Variants in WNK2 observed in about 807,000 individuals in gnomAD.
The protein encoded by WNK2 is serine/threonine-protein kinase WNK2.
WNK2 carries 67 observed loss-of-function variants against 192.1 expected under a neutral mutation model. The ratio of observed to expected loss-of-function variants is 0.35; its 90% CI spans 0.29 to 0.43. The LOEUF is 0.43. Ranked by LOEUF, WNK2 falls within the 20% of genes least tolerant of loss-of-function variation. WNK2 has a pLI of 1.00. For synonymous variants in WNK2, 1,439 were observed against 1,393.9 expected, an observed-to-expected ratio of 1.03 and a Z score of -0.72; for missense variants, 2,698 against 3,089.7, an observed-to-expected ratio of 0.87 and a Z score of 3.01.
chr9:93,210,615 A>C (rs1452567899), intron 2 of WNK2, among the ~76,000 whole-genome samples: 1 of 152,108 alleles, frequency 6.6e-6, no homozygotes, highest in African/African-American at 2.4e-5. Context: ...AGATCATACC[A>C]GGCCCTTTCC....
intron 19 of WNK2, among the ~76,000 whole-genome samples, chr9:93,271,671 C>A (rs537303463): frequency 6.6e-6 from 1 of 152,130 alleles, no homozygotes. Flanking sequence ...CAGGGAACTG[C>A]GGAACAATAA....
intron 13 of WNK2, 150 bp from the exon 14 acceptor site, chr9:93,262,520 A>G (rs1349550176): frequency 1.2e-6 from 1 of 820,130 alleles, no homozygotes; most frequent in Non-Finnish European, 2.0e-6. Context: ...CCTGGGTCGT[A>G]CCCACCTGGC....
chr9:93,236,483 GAGAA>G (rs1456097812), intron 5 of WNK2, among the ~76,000 whole-genome samples: 1 of 152,214 alleles, frequency 6.6e-6, no homozygotes, highest in Non-Finnish European at 1.5e-5. Flanking sequence ...CGTGTTGAAG[GAGAA>G]AGAACGTGAT....
intron 2 of WNK2, among the ~76,000 whole-genome samples, chr9:93,215,988 A>G (rs1835670732): frequency 6.6e-6 from 1 of 152,216 alleles, no homozygotes; most frequent in Non-Finnish European, 1.5e-5. Flanking sequence ...AGGCAGCAGA[A>G]TAAGAGCAAA....
chr9:93,250,975 G>A (rs1399722772), intron 8 of WNK2, among the ~76,000 whole-genome samples: 1 of 46,668 alleles, frequency 2.1e-5, no homozygotes, highest in Admixed American at 2.6e-4. Flanking sequence ...TAGTAGAGAC[G>A]GGGTTTTGCC....
At chr9:93,236,003 G>A (rs1408466587) in intron 5 of WNK2, among the ~76,000 whole-genome samples, 7 of 152,200 alleles carry the variant, frequency 4.6e-5, no homozygotes, top group Admixed American at 3.9e-4. Flanking sequence ...TGGGAGGGCA[G>A]ACAGAGTCCT....
At chr9:93,194,128 A>G (rs1830822725) in intron 2 of WNK2, among the ~76,000 whole-genome samples, 1 of 152,246 alleles carries the variant, frequency 6.6e-6, no homozygotes, top group Non-Finnish European at 1.5e-5. Context: ...CCTAAATGTA[A>G]AATCCAAAAT....
intron 19 of WNK2, among the ~76,000 whole-genome samples, chr9:93,280,122 C>T (rs1451882338): frequency 6.6e-6 from 1 of 152,136 alleles, no homozygotes. Flanking sequence ...AAGCTAGAGA[C>T]TAGGAGAAGA....
intron 29 of WNK2, among the ~76,000 whole-genome samples, chr9:93,319,592 G>A: frequency 6.6e-6 from 1 of 152,260 alleles, no homozygotes; most frequent in Non-Finnish European, 1.5e-5. Context: ...TGCAGCCCCT[G>A]TCTCCAGGAG....
At chr9:93,211,889 C>G (rs1834843912) in intron 2 of WNK2, among the ~76,000 whole-genome samples, 1 of 141,880 alleles carries the variant, frequency 7.0e-6, no homozygotes, top group Non-Finnish European at 1.5e-5. Flanking sequence ...CACACTCACA[C>G]ATTTACTCAT....
rs1291909055 is a variant in WNK2, at chr9:93,256,965, G to T, written c.2208G>T (p.Gln736His). 3 of 1,577,214 alleles carry T rather than the reference G, an allele frequency of 1.9e-6. No homozygotes were observed. In the East Asian group the frequency reaches 7.0e-5, roughly 37 times the overall value. Residue 736 changes from glutamine to histidine, a missense_variant, in exon 11 of 30, where the codon CAG becomes CAT. By Grantham distance (24) the Gln-to-His change is conservative (BLOSUM62 0). Transcript: ENST00000427277. ...CCCTCTAGCCTCCTCCGCTGGCCCA[G>T]CCGACACCCCTGCCGCAGGTCCTGG... ...PPGQQPPPLA[Q>H]PTPLPQVLAP...
chr9:93,278,115 A>G (rs1165289811), intron 19 of WNK2, among the ~76,000 whole-genome samples: 2 of 152,174 alleles, frequency 1.3e-5, no homozygotes, highest in African/African-American at 2.4e-5. Flanking sequence ...AAGTCACTAC[A>G]GTTATCTCAG....
chr9:93,263,699 G>C lies in WNK2; in HGVS notation c.3544G>C (p.Glu1182Gln). 6.5e-7 allele frequency: 1 copy of C among 1,548,192 alleles called. No individual in the cohort carries two copies. Among genetic ancestry groups the C allele is most frequent in the Non-Finnish European group, 8.7e-7 (1 of 1,153,172 alleles). ...RRSTRARSRQ[E>Q]RASRPRLTIL... The stretch of plus-strand genomic sequence containing the variant: ...GTCCACGCGTGCGCGCTCCCGGCAG[G>C]AGAGGGCCAGCCGGCCCCGGCTTAC... The change falls in exon 15 of 30, where the codon GAG (glutamate) becomes CAG (glutamine). Residue 1182 changes from glutamate (E) to glutamine (Q), a missense_variant. Glu to Gln is a conservative substitution (Grantham distance 29). Coordinates refer to ENST00000427277, the MANE Select transcript of WNK2 (RefSeq NM_006648.4).
intron 21 of WNK2, among the ~76,000 whole-genome samples, 154 bp downstream of exon 21, chr9:93,290,201 G>A (rs751344337): frequency 4.6e-5 from 7 of 152,234 alleles, no homozygotes; most frequent in African/African-American, 7.2e-5. Flanking sequence ...TTAGCATCCA[G>A]TGTAGGGCCC....
Position 93,185,474 on chromosome 9 carries a change from A to G in WNK2, c.545A>G (p.Asp182Gly). ...GAAGAGGAGGAGGACGACGAGGACG[A>G]CCTCAAGGCCGTGGCCACCTCTCTG... ...EPEEEEDDED[D>G]LKAVATSLDG... The change falls in exon 2 of 30, where the codon GAC becomes GGC. Residue 182 changes from aspartate to glycine, a missense_variant. By Grantham distance (94) the Asp-to-Gly change is moderately conservative. Transcript: ENST00000427277. The G allele has an allele frequency of 6.2e-7, 1 of 1,612,628 alleles. No homozygotes were observed. The highest frequency in any genetic ancestry group is 8.5e-7 in the Non-Finnish European group (1 of 1,179,718).
chr9:93,188,613 C>T, intron 2 of WNK2, among the ~76,000 whole-genome samples: 1 of 152,224 alleles, frequency 6.6e-6, no homozygotes, highest in East Asian at 1.9e-4. Flanking sequence ...ATCCCACCGC[C>T]TTCCTCCTTG....
chr9:93,271,114 A>G (rs1420469937), intron 19 of WNK2, among the ~76,000 whole-genome samples: 1 of 152,200 alleles, frequency 6.6e-6, no homozygotes, highest in Non-Finnish European at 1.5e-5. Context: ...AACTTGGGCA[A>G]CTGAGCTAAT....
intron 14 of WNK2, 70 bp downstream of exon 14, chr9:93,262,789 G>A: frequency 2.6e-6 from 4 of 1,537,120 alleles, no homozygotes; most frequent in Non-Finnish European, 3.6e-6. Context: ...ACTCAGCCTG[G>A]CTCCTGCTGC....
chr9:93,256,343 G>A lies in WNK2; in HGVS notation c.2079G>A (p.Pro693=), dbSNP rs769408272. The change falls in exon 10 of 30, where the codon CCG becomes CCA. Residue 693 remains proline (P), a synonymous_variant. Transcript: ENST00000427277. ...CTGTCCCGGCCCCCGCCTGCCCTCCGTCCCTCCAGCAGCACTTCCCGGATC... is the reference window on the plus strand; with the variant it reads ...CTGTCCCGGCCCCCGCCTGCCCTCCATCCCTCCAGCAGCACTTCCCGGATC... The part of the protein sequence containing the change: ...VGSVPAPACP[P]SLQQHFPDPA... The A allele has an allele frequency of 4.4e-6, 7 of 1,584,270 alleles. No homozygotes were observed. Among genetic ancestry groups the A allele is most frequent in the African/African-American group, 1.3e-5 (1 of 74,572 alleles).
Sources: gnomAD v4.1 joint callset for allele counts (sites outside exome capture counted in the v4.1 genomes callset) on GRCh38, gnomAD v4.1.1 for gene constraint, MANE v1.5 for transcripts, NCBI Gene and HGNC (gene_info 2026-07-23, HGNC 2026-07-21) for gene names.